The following LRSAM1 variants were observed in gnomAD, a reference collection of about 807,000 sequenced individuals.
LRSAM1 encodes the protein E3 ubiquitin-protein ligase LRSAM1.
In LRSAM1, 96 loss-of-function variants were observed where a neutral mutation model predicts 118.1. The ratio of observed to expected loss-of-function variants is 0.81; its 90% CI spans 0.69 to 0.96. LRSAM1 has a LOEUF of 0.96. LRSAM1 is among the 40% of genes least tolerant of loss of function. The pLI is 0.00. For synonymous variants in LRSAM1, 322 were observed against 364.2 expected (o/e 0.88, Z 1.32); for missense variants, 804 against 915.5 (o/e 0.88, Z 1.57).
intron 18 of LRSAM1, 76 bp from the exon 19 acceptor site, chr9:127,489,368 T>C: frequency 6.6e-7 from 1 of 1,521,694 alleles, no homozygotes; most frequent in Non-Finnish European, 8.9e-7. Context: ...ACACAGCTTT[T>C]GCTTTTCACA....
At chr9:127,484,263 C>CTTTTTTTTTTTTTTTTCCTTT (rs1835643586) in intron 16 of LRSAM1, among the ~76,000 whole-genome samples, 1 of 133,684 alleles carries the variant, frequency 7.5e-6, no homozygotes. Context: ...ATTTCTTTCC[C>CTTTTTTTTTTTTTTTTCCTTT]TTTTTTTTTT....
At position 127,454,610 on chromosome 9, in the gene LRSAM1, G is replaced by C; in HGVS notation, c.72+11G>C. The stretch of plus-strand genomic sequence containing the variant: ...TACCAGATGTGTTTGGTGAGGGAAA[G>C]TGGGTTTCCTCTAACTCTATCCCAT... On this transcript the variant is annotated intron_variant, in intron 3 of 25. Coordinates refer to ENST00000300417, the MANE Select transcript of LRSAM1 (RefSeq NM_001005373.4). 1 of 1,613,334 alleles carries C rather than the reference G, an allele frequency of 6.2e-7. No homozygotes were observed. Among genetic ancestry groups the C allele is most frequent in the Non-Finnish European group, 8.5e-7 (1 of 1,179,640 alleles).
At chr9:127,484,263 C>CTTTTTTTTTTTTTTTTTCCTT (rs1835644847) in intron 16 of LRSAM1, among the ~76,000 whole-genome samples, 1 of 133,684 alleles carries the variant, frequency 7.5e-6, no homozygotes. Context: ...ATTTCTTTCC[C>CTTTTTTTTTTTTTTTTTCCTT]TTTTTTTTTT....
At chr9:127,468,581 G>A (rs1052455468) in intron 10 of LRSAM1, among the ~76,000 whole-genome samples, 14 of 152,144 alleles carry the variant, frequency 9.2e-5, no homozygotes, top group Admixed American at 1.3e-4. Flanking sequence ...CTTTTCAATA[G>A]CTGATTCTGG....
rs566650073 is a variant in LRSAM1 at position 127,502,936 on chromosome 9, C to A, written c.*37C>A. On this transcript the variant is annotated 3_prime_UTR_variant, in exon 26 of 26. Transcript: ENST00000300417. ...CCACCTGGGCCTGGTCCTAGCCCTG[C>A]CTCGGCCACTGTGAGCCCCGGGCTC... 10 of 1,565,694 alleles carry A rather than the reference C, an allele frequency of 6.4e-6. No individual in the cohort carries two copies. The South Asian group carries it at 1.0e-4, about 16-fold the overall frequency.
rs144291109 is a variant in LRSAM1 at position 127,467,610 on chromosome 9, A to G, written c.529-130A>G. On this transcript the variant is annotated intron_variant, in intron 9 of 25. Transcript: ENST00000300417. The stretch of plus-strand genomic sequence containing the variant: ...GCAGCTGTAAGTAACAAGACAGTTC[A>G]GCCACCTCTGCTGTCAGGCCATTCC... 1.7e-4 allele frequency: 152 copies of G among 884,524 alleles called. No individual in the cohort carries two copies. The East Asian group carries it at 3.9e-3, about 23-fold the overall frequency. The allele number at this position is 884,524 out of a possible 1,614,324, so 54.8% of individuals were successfully genotyped here. A position where few individuals can be genotyped will look rare whatever the true frequency, so the allele number is the denominator to read the frequency against.
intron 10 of LRSAM1, among the ~76,000 whole-genome samples, chr9:127,471,217 G>A (rs954329282): frequency 7.2e-5 from 11 of 151,940 alleles, no homozygotes; most frequent in Admixed American, 3.3e-4. Flanking sequence ...GGTGGCTCAC[G>A]CCTGTAATCC....
rs754095363 is a variant in LRSAM1, at chr9:127,455,604, A to G, written c.158A>G (p.Lys53Arg). 2 of 1,614,218 alleles carry G rather than the reference A, an allele frequency of 1.2e-6. No individual in the cohort carries two copies. The highest frequency in any genetic ancestry group is 2.2e-5 in the East Asian group (1 of 44,886). The change falls in exon 5 of 26, where the codon AAA becomes AGA. Residue 53 changes from lysine to arginine, a missense_variant. Coordinates refer to ENST00000300417, the MANE Select transcript of LRSAM1 (RefSeq NM_001005373.4). ...CCATTTGGAGCTTTTGCAACATGCA[A>G]AGTTCTGCAGAAGAAGGTAAGATGG... ...EIPFGAFATC[K>R]VLQKKVLIVH...
chr9:127,501,053 C>G lies in LRSAM1; in HGVS notation c.1956C>G (p.Pro652=). ...PMGEVVTPTA[P]QEPPESVRPS... ...GTGAGGTCGTCACCCCTACGGCCCCCCAGGAGCCTCCTGAGTCTGTGAGGC... is the reference window on the plus strand; with the variant it reads ...GTGAGGTCGTCACCCCTACGGCCCCGCAGGAGCCTCCTGAGTCTGTGAGGC... The change falls in exon 25 of 26, where the codon CCC becomes CCG. Residue 652 remains proline, a synonymous_variant. Coordinates refer to ENST00000300417, the MANE Select transcript of LRSAM1 (RefSeq NM_001005373.4). 6.2e-7 allele frequency: 1 copy of G among 1,614,056 alleles called. No individual in the cohort carries two copies.
In LRSAM1 at chr9:127,502,935, G is replaced by C. The variant is rs755524280; in HGVS notation, c.*36G>C. On this transcript the variant is annotated 3_prime_UTR_variant, in exon 26 of 26. Coordinates refer to ENST00000300417, the MANE Select transcript of LRSAM1 (RefSeq NM_001005373.4). The stretch of plus-strand genomic sequence containing the variant: ...CCCACCTGGGCCTGGTCCTAGCCCT[G>C]CCTCGGCCACTGTGAGCCCCGGGCT... 1.1e-5 allele frequency: 17 copies of C among 1,566,096 alleles called. No homozygotes were observed. Among genetic ancestry groups the C allele is most frequent in the Middle Eastern group, 4.2e-4 (2 of 4,708 alleles).
chr9:127,468,557 T>TG (rs1464051853), intron 10 of LRSAM1, among the ~76,000 whole-genome samples: 1 of 151,850 alleles, frequency 6.6e-6, no homozygotes, highest in African/African-American at 2.4e-5. Flanking sequence ...TGCAAAACAG[T>TG]GGGGAAGGAT....
chr9:127,455,494 C>T (rs571026765), intron 4 of LRSAM1, 82 bp from the exon 5 acceptor site: 8 of 1,423,144 alleles, frequency 5.6e-6, no homozygotes, highest in South Asian at 1.1e-5. Flanking sequence ...CTGCCTGTCT[C>T]TTCCTCACGT....
intron 11 of LRSAM1, 114 bp from the exon 12 acceptor site, chr9:127,478,820 C>A: frequency 1.0e-6 from 1 of 992,800 alleles, no homozygotes; most frequent in South Asian, 1.3e-5. Context: ...AGGCAGTGGT[C>A]TGGGGTGGGC....
chr9:127,501,187 A>C, intron 25 of LRSAM1, 44 bp downstream of exon 25: 1 of 1,603,736 alleles, frequency 6.2e-7, no homozygotes, highest in Non-Finnish European at 8.5e-7. Context: ...GCCTGTGGCC[A>C]CCCTCCTCAA....
At chr9:127,498,022 TG>T (rs1309159416) in intron 24 of LRSAM1, among the ~76,000 whole-genome samples, 11 of 152,268 alleles carry the variant, frequency 7.2e-5, no homozygotes, top group African/African-American at 2.4e-4. Context: ...CCTGCCTCCC[TG>T]GGGAAGAGGT....
intron 21 of LRSAM1, among the ~76,000 whole-genome samples, chr9:127,493,531 C>G (rs2249282): frequency 0.75 from 114,313 of 152,126 alleles, 43,288 homozygotes; most frequent in Non-Finnish European, 0.79. Context: ...TCAAGGCTGT[C>G]CGTGGCCCCT....
chr9:127,498,650 T>C (rs116323570), intron 24 of LRSAM1, among the ~76,000 whole-genome samples: 3,486 of 152,302 alleles, frequency 0.023, 149 homozygotes, highest in African/African-American at 0.078. Flanking sequence ...TTGTGCCCAT[T>C]GGCAGGGGAA....
chr9:127,460,872 T>TTC (rs1554754272), intron 7 of LRSAM1, among the ~76,000 whole-genome samples: 2 of 141,568 alleles, frequency 1.4e-5, no homozygotes, highest in African/African-American at 5.7e-5. Flanking sequence ...TTTTTTTTTT[T>TTC]TGAGACGGAG....
chr9:127,490,461 G>A (rs1228278855), intron 19 of LRSAM1, among the ~76,000 whole-genome samples: 1 of 152,006 alleles, frequency 6.6e-6, no homozygotes, highest in Non-Finnish European at 1.5e-5. Flanking sequence ...CCCTGCCCAG[G>A]GCTAAAATCC....
Sources: allele counts gnomAD v4.1 joint callset (sites outside exome capture counted in the v4.1 genomes callset), GRCh38; gene constraint gnomAD v4.1.1; transcripts MANE v1.5; gene names NCBI Gene and HGNC (gene_info 2026-07-23, HGNC 2026-07-21).